WNK2: variants seen among roughly 807,000 people sequenced by gnomAD.
The protein encoded by WNK2 is serine/threonine-protein kinase WNK2.
WNK2 carries 67 observed loss-of-function variants against 192.1 expected under a neutral mutation model. The ratio of observed to expected loss-of-function variants is 0.35; its 90% CI spans 0.29 to 0.43. WNK2 has a LOEUF of 0.43. Among genes scored for constraint, WNK2 ranks in the 20% least tolerant of loss-of-function variants. WNK2 has a pLI of 1.00. For synonymous variants in WNK2, 1,439 were observed against 1,393.9 expected (o/e 1.03, Z -0.72); for missense variants, 2,698 against 3,089.7 (o/e 0.87, Z 3.01).
chr9:93,242,445 A>T (rs543656342), intron 7 of WNK2, among the ~76,000 whole-genome samples: 1 of 152,272 alleles, frequency 6.6e-6, no homozygotes, highest in East Asian at 1.9e-4. Flanking sequence ...TTTCAAATTG[A>T]ATTGCTACAA....
At chr9:93,205,366 C>T (rs988689669) in intron 2 of WNK2, among the ~76,000 whole-genome samples, 3 of 152,180 alleles carry the variant, frequency 2.0e-5, no homozygotes, top group Non-Finnish European at 4.4e-5. Flanking sequence ...AGGTGGGAGC[C>T]CCTGGACCCC....
At position 93,185,306 on chromosome 9, in the gene WNK2, C is replaced by G; in HGVS notation, c.377C>G (p.Pro126Arg). 4.6e-6 allele frequency: 7 copies of G among 1,507,808 alleles called. No homozygotes were observed. The East Asian group carries it at 1.7e-4, about 38-fold the overall frequency. 93.4% of individuals were successfully genotyped at this position (1,507,808 alleles called of 1,614,324 possible). The change falls in exon 2 of 30, where the codon CCG (proline) becomes CGG (arginine). Residue 126 changes from proline (P) to arginine (R), a missense_variant. Physicochemically the swap from Pro to Arg is moderately radical, Grantham distance 103. Around this residue, in one of 7 missense-constraint regions of WNK2, gnomAD observed 260 missense variants for 285.6 expected, o/e 0.91. Coordinates refer to ENST00000427277, the MANE Select transcript of WNK2 (RefSeq NM_006648.4). ...CCCGTGGGCACGCAGGAGCCCGGCCCGGACCCCATCGCAGCCGCTGTCGAA... is the reference window on the plus strand; with the variant it reads ...CCCGTGGGCACGCAGGAGCCCGGCCGGGACCCCATCGCAGCCGCTGTCGAA... ...PEPVGTQEPG[P>R]DPIAAAVETA...
Position 93,185,425 on chromosome 9 carries a change from G to A in WNK2, c.496G>A (p.Gly166Arg), listed in dbSNP as rs746380289. Residue 166 changes from glycine to arginine, a missense_variant, in exon 2 of 30, where the codon GGG becomes AGG. Gly to Arg is a moderately radical substitution (Grantham distance 125, BLOSUM62 -2). Transcript: ENST00000427277. ...GGCGGCCGAGGCGAAGCCTGAGCCCGGGCGCACTCGCCGGGACGAGCCCGA... is the reference window on the plus strand; with the variant it reads ...GGCGGCCGAGGCGAAGCCTGAGCCCAGGCGCACTCGCCGGGACGAGCCCGA... Reference protein sequence around the residue: ...EGAAEAKPEPGRTRRDEPEEE... With the variant: ...EGAAEAKPEPRRTRRDEPEEE... 6.2e-7 allele frequency: 1 copy of A among 1,611,116 alleles called. No individual in the cohort carries two copies. Among genetic ancestry groups the A allele is most frequent in the Non-Finnish European group, 8.5e-7 (1 of 1,179,274 alleles).
chr9:93,320,199 C>G (rs1277787058), intron 29 of WNK2, among the ~76,000 whole-genome samples, 168 bp from the exon 30 acceptor site: 1 of 152,178 alleles, frequency 6.6e-6, no homozygotes, highest in African/African-American at 2.4e-5. Context: ...GTGACAGAGG[C>G]CGCCAGGGCT....
intron 2 of WNK2, among the ~76,000 whole-genome samples, chr9:93,212,495 G>T (rs1834976837): frequency 6.6e-6 from 1 of 152,216 alleles, no homozygotes; most frequent in African/African-American, 2.4e-5. Context: ...TGGCTATGTT[G>T]TTTCTGCCAG....
At chr9:93,267,660 A>G in intron 16 of WNK2, 86 bp from the exon 17 acceptor site, 3 of 1,418,570 alleles carry the variant, frequency 2.1e-6, no homozygotes, top group Non-Finnish European at 2.8e-6. Context: ...GGCCTGGTAC[A>G]GGGTAGACAT....
At chr9:93,298,110 G>A (rs914820105) in intron 24 of WNK2, 43 bp downstream of exon 24, 22 of 1,541,064 alleles carry the variant, frequency 1.4e-5, no homozygotes, top group Non-Finnish European at 1.8e-5. Context: ...CGGGGCTGGG[G>A]ACCCCCGAGT....
In WNK2 at chr9:93,257,184, G is replaced by C. The variant is rs751130123; in HGVS notation, c.2382+45G>C. 2 of 1,575,322 alleles carry C rather than the reference G, an allele frequency of 1.3e-6. No individual in the cohort carries two copies. On this transcript the variant is annotated intron_variant, in intron 11 of 29. Transcript: ENST00000427277. The surrounding 1 kb of genome is among the most constrained non-coding windows in gnomAD (Gnocchi z 4.7). ...TGCCGTCAGTGGTGGCGCACGCTTT[G>C]CCAGGCCCTGGCTGGTGCACTAGGA...
chr9:93,259,141 C>T lies in WNK2; in HGVS notation c.2593C>T (p.Pro865Ser), dbSNP rs45534637. 48,009 of 1,611,566 alleles carry T rather than the reference C, an allele frequency of 0.03. 2,096 individuals carry two copies. Among genetic ancestry groups the T allele is most frequent in the Admixed American group, 0.21 (12,586 of 59,814 alleles). ...GCAGGCTGTGAAGCTGCCCCACCCC[C>T]CTGGGGCGCCCCTGGCCATGCCCTG... ...PLQAVKLPHP[P>S]GAPLAMPCRT... is the part of the protein sequence containing the mutation. Residue 865 changes from proline (P) to serine (S), a missense_variant, in exon 12 of 30, where the codon CCT (proline) becomes TCT (serine). This residue lies in a region of WNK2 where 893 missense variants were observed against 909.0 expected (regional missense o/e 0.98). Coordinates refer to ENST00000427277, the MANE Select transcript of WNK2 (RefSeq NM_006648.4). The surrounding 1 kb of genome is among the most constrained non-coding windows in gnomAD (Gnocchi z 4.8).
intron 9 of WNK2, among the ~76,000 whole-genome samples, chr9:93,255,880 G>C (rs1843211821): frequency 6.6e-6 from 1 of 152,170 alleles, no homozygotes; most frequent in Non-Finnish European, 1.5e-5. Context: ...TCCGCCGCTG[G>C]AGTGCTCACA....
chr9:93,263,824 G>A, intron 15 of WNK2, 90 bp downstream of exon 15: 2 of 543,232 alleles, frequency 3.7e-6, no homozygotes, highest in Non-Finnish European at 6.1e-6. Flanking sequence ...GGTGTGGTGG[G>A]GGTGGGGGGG....
At chr9:93,282,136 G>T (rs6479471) in intron 19 of WNK2, among the ~76,000 whole-genome samples, 18,892 of 152,200 alleles carry the variant, frequency 0.12, 1,271 homozygotes, top group African/African-American at 0.16. Flanking sequence ...ATGTTAAAAT[G>T]CATGAAAATG....
intron 26 of WNK2, among the ~76,000 whole-genome samples, chr9:93,301,757 A>G (rs922252528): frequency 6.6e-6 from 1 of 152,202 alleles, no homozygotes; most frequent in Non-Finnish European, 1.5e-5. Flanking sequence ...TGGGAGACTC[A>G]GTGCAGGGTG....
At chr9:93,256,486 C>T (rs988768878) in intron 10 of WNK2, 32 bp downstream of exon 10, 2 of 1,492,696 alleles carry the variant, frequency 1.3e-6, no homozygotes, top group East Asian at 2.5e-5. Context: ...GCCACTGTCC[C>T]TCCAGGCAGG....
chr9:93,216,561 G>A (rs897526609), intron 2 of WNK2, among the ~76,000 whole-genome samples: 3 of 152,148 alleles, frequency 2.0e-5, no homozygotes, highest in African/African-American at 7.2e-5. Flanking sequence ...GGGAGGTCGA[G>A]GCTGCAGTGA....
chr9:93,244,180 C>T (rs573294321), intron 7 of WNK2, among the ~76,000 whole-genome samples: 5 of 152,334 alleles, frequency 3.3e-5, no homozygotes, highest in South Asian at 2.1e-4. Context: ...GGAAGGACCC[C>T]GAGGGTGGGA....
chr9:93,198,984 C>T lies in WNK2; in HGVS notation c.681+13374C>T, dbSNP rs370554995. On this transcript the variant is annotated intron_variant, in intron 2 of 29. Coordinates refer to ENST00000427277, the MANE Select transcript of WNK2 (RefSeq NM_006648.4). ...CCCACTTGTCATCCTCTCGCTGGCT[C>T]GGTTCGGGGTGGGTGGAGGCCTGCT... Among the ~76,000 whole-genome samples the T allele has an allele frequency of 2.0e-3, 300 of 152,306 alleles. 2 individuals are homozygous for T. Among genetic ancestry groups the T allele is most frequent in the Middle Eastern group, 0.014 (4 of 294 alleles).
At chr9:93,270,917 T>G (rs1845914298) in intron 19 of WNK2, among the ~76,000 whole-genome samples, 1 of 152,188 alleles carries the variant, frequency 6.6e-6, no homozygotes, top group African/African-American at 2.4e-5. Context: ...TTGTCATTCA[T>G]GGCACAGCCG....
chr9:93,190,378 G>A (rs1830120677), intron 2 of WNK2, among the ~76,000 whole-genome samples: 1 of 152,206 alleles, frequency 6.6e-6, no homozygotes. Context: ...AGAAGCAGGT[G>A]CTCCTGTGGC....
Sources: gnomAD v4.1 joint callset for allele counts (sites outside exome capture counted in the v4.1 genomes callset) on GRCh38, gnomAD v4.1.1 for gene constraint, gnomAD v4.1.1 regional missense constraint, Gnocchi (gnomAD v3.1) non-coding constraint, MANE v1.5 for transcripts, NCBI Gene and HGNC (gene_info 2026-07-23, HGNC 2026-07-21) for gene names.